CDH26: variants seen among roughly 807,000 people sequenced by gnomAD.
The protein encoded by CDH26 is cadherin-like protein 26.
CDH26 carries 83 observed loss-of-function variants against 90.3 expected under a neutral mutation model. The observed-to-expected ratio is 0.92, with a 90% CI of 0.77 to 1.10. The LOEUF is 1.10. Among genes scored for constraint, CDH26 ranks in the 50% least tolerant of loss-of-function variants. CDH26 has a pLI of 0.00. For synonymous variants in CDH26, 397 were observed against 396.3 expected (o/e 1.00, Z -0.02); for missense variants, 1,013 against 1,037.6 (o/e 0.98, Z 0.33).
At position 60,029,093 on chromosome 20, in the gene CDH26, A is replaced by G. The variant is rs561942206; in HGVS notation, c.948-2138A>G. 1.8e-3 allele frequency among the ~76,000 whole-genome samples: 272 copies of G among 152,328 alleles called. 1 individual carries two copies. The highest frequency in any genetic ancestry group is 6.4e-3 in the African/African-American group (265 of 41,576). On this transcript the variant is annotated intron_variant, in intron 7 of 8. Coordinates refer to the CDH26 transcript ENST00000370991. ...ATAAGGGGGACACAGAGGGATGAGGATTGGAAGGTTTCACCGATGTGAGTG... is the reference window on the plus strand; with the variant it reads ...ATAAGGGGGACACAGAGGGATGAGGGTTGGAAGGTTTCACCGATGTGAGTG...
At chr20:60,002,689 C>A (rs1368894757) in intron 15 of CDH26, 124 bp from the exon 16 acceptor site, 7 of 565,364 alleles carry the variant, frequency 1.2e-5, no homozygotes, top group Non-Finnish European at 1.8e-5. Flanking sequence ...TATCTACACT[C>A]TTTAGAATTA....
chr20:60,024,939 G>A (rs1320020458), intron 7 of CDH26, among the ~76,000 whole-genome samples: 2 of 152,198 alleles, frequency 1.3e-5, no homozygotes, highest in East Asian at 3.9e-4. Flanking sequence ...GAAGGGTCCT[G>A]CAGAGAGCAG....
intron 17 of CDH26, among the ~76,000 whole-genome samples, 189 bp downstream of exon 17, chr20:60,006,976 A>G (rs1173174781): frequency 6.6e-6 from 1 of 152,224 alleles, no homozygotes. Context: ...TCTGCAGGCT[A>G]GAAGTCCAAG....
chr20:59,962,221 G>A (rs182618327), intron 1 of CDH26, among the ~76,000 whole-genome samples: 3 of 152,214 alleles, frequency 2.0e-5, no homozygotes, highest in Non-Finnish European at 4.4e-5. Flanking sequence ...TCTGTGCAGA[G>A]AATGTGTTAG....
intron 8 of CDH26, 68 bp from the exon 9 acceptor site, chr20:59,988,836 T>C: frequency 1.3e-6 from 2 of 1,563,902 alleles, no homozygotes; most frequent in Non-Finnish European, 1.7e-6. Flanking sequence ...CAATGATGAC[T>C]CGGCGCTGGG....
intron 8 of CDH26, among the ~76,000 whole-genome samples, chr20:60,032,873 A>G (rs1008241738): frequency 1.3e-5 from 2 of 148,556 alleles, no homozygotes; most frequent in African/African-American, 5.0e-5. Context: ...GGGGAGGGAT[A>G]GCATTGGGAG....
intron 17 of CDH26, 141 bp from the exon 18 acceptor site, chr20:60,012,386 C>G: frequency 2.8e-6 from 2 of 705,172 alleles, no homozygotes; most frequent in Non-Finnish European, 4.6e-6. Context: ...TGGAACTGTA[C>G]GAACTCCTGT....
exon 9 of CDH26, chr20:60,033,600 A>G: frequency 7.7e-7 from 1 of 1,304,824 alleles, no homozygotes. Flanking sequence ...TCACCCCTTA[A>G]CAAAAAGGCA....
At chr20:59,996,939 C>A (rs1360801017) in intron 13 of CDH26, among the ~76,000 whole-genome samples, 178 bp downstream of exon 13, 8 of 152,162 alleles carry the variant, frequency 5.3e-5, no homozygotes, top group Admixed American at 5.2e-4. Context: ...TGAATTTATT[C>A]TTTTAGATCA....
downstream of CDH26, among the ~76,000 whole-genome samples, chr20:60,018,273 T>C (rs1329172627): frequency 6.6e-6 from 1 of 152,110 alleles, no homozygotes; most frequent in African/African-American, 2.4e-5. Flanking sequence ...GCTTTATAGA[T>C]CTAGTGGTTC....
chr20:60,002,415 T>A lies in CDH26; in HGVS notation c.2167-398T>A, dbSNP rs569416390. Among the ~76,000 whole-genome samples, 6 of 152,034 alleles carry A rather than the reference T, an allele frequency of 3.9e-5. No homozygotes were observed. In the East Asian group the frequency reaches 1.2e-3, roughly 30 times the overall value. On this transcript the variant is annotated intron_variant, in intron 15 of 17. Transcript: ENST00000348616. ...TAAAGAACCTCTGCTTGGTTTAATATTCTACTGTCACCATCTTGAAATTCT... is the reference window on the plus strand; with the variant it reads ...TAAAGAACCTCTGCTTGGTTTAATAATCTACTGTCACCATCTTGAAATTCT...
At chr20:59,972,192 C>A in intron 4 of CDH26, 69 bp downstream of exon 4, 1 of 1,468,654 alleles carries the variant, frequency 6.8e-7, no homozygotes, top group African/African-American at 1.4e-5. Context: ...ATTTGGTAAG[C>A]ATTATTTAAG....
rs146293150 is a variant in CDH26 at position 60,006,713 on chromosome 20, G to C, written c.2221G>C (p.Ala741Pro). ...TGAAGCTCTACTGGTTTGCTTGCAGGCTTACCCAGATGCCACAATGCACAG... is the reference window on the plus strand; with the variant it reads ...TGAAGCTCTACTGGTTTGCTTGCAGCCTTACCCAGATGCCACAATGCACAG... ...RSVKNIHSTP[A>P]YPDATMHRQL... The change falls in exon 17 of 18, where the codon GCT becomes CCT. Residue 741 changes from alanine to proline, a missense_variant and splice_region_variant. Ala to Pro is a conservative substitution (Grantham distance 27, BLOSUM62 -1). Transcript: ENST00000348616. 3.1e-5 allele frequency: 50 copies of C among 1,613,500 alleles called. No individual in the cohort carries two copies. The highest frequency in any genetic ancestry group is 4.0e-5 in the Non-Finnish European group (47 of 1,179,552).
chr20:59,995,571 A>G (rs534153955), intron 11 of CDH26, among the ~76,000 whole-genome samples: 1 of 152,294 alleles, frequency 6.6e-6, no homozygotes, highest in African/African-American at 2.4e-5. Context: ...CCCTGTAAAA[A>G]ACGGCACCAT....
intron 16 of CDH26, among the ~76,000 whole-genome samples, chr20:60,003,196 A>G (rs2061699045): frequency 6.6e-6 from 1 of 152,210 alleles, no homozygotes; most frequent in South Asian, 2.1e-4. Flanking sequence ...GGGGTCTTAG[A>G]CATCATCTAG....
At chr20:59,975,476 GA>G (rs2061316851) in intron 4 of CDH26, among the ~76,000 whole-genome samples, 1 of 152,150 alleles carries the variant, frequency 6.6e-6, no homozygotes, top group African/African-American at 2.4e-5. Flanking sequence ...AGCTGTGAGA[GA>G]ATAAGTTCCT....
intron 1 of CDH26, among the ~76,000 whole-genome samples, chr20:59,966,748 C>A (rs1368353050): frequency 2.0e-5 from 3 of 152,172 alleles, no homozygotes; most frequent in African/African-American, 4.8e-5. Context: ...CTGTGGAAAC[C>A]ATACTTTGAA....
Position 59,992,205 on chromosome 20 carries a change from C to CA in CDH26, c.1284-173_1284-172insA. ...TCTTTAGGCTGTCCTCCCTGTGCTT[C>CA]CATTCCTTTCGTGAATTAAACACTC... On this transcript the variant is annotated intron_variant, in intron 9 of 17. Coordinates refer to ENST00000348616, the MANE Select transcript of CDH26 (RefSeq NM_177980.4). The surrounding 1 kb of genome is among the most constrained non-coding windows in gnomAD (Gnocchi z 5.0). Among the ~76,000 whole-genome samples, 1 of 152,198 alleles carries CA rather than the reference C, an allele frequency of 6.6e-6. No individual in the cohort carries two copies. The highest frequency in any genetic ancestry group is 1.9e-4 in the East Asian group (1 of 5,184).
In CDH26 at chr20:60,013,972, G is replaced by A. The variant is rs529176939; in HGVS notation, c.*1242G>A. The A allele has an allele frequency of 2.0e-5, 3 of 151,926 alleles. No homozygotes were observed. In the East Asian group the frequency reaches 5.8e-4, roughly 29 times the overall value. 9.4% of individuals were successfully genotyped at this position (151,926 alleles called of 1,614,324 possible). ...TGTACTGATCCTAGCATGACTCAGAGGACAGTCTAGGGCATTTTCTGGGTA... is the reference window on the plus strand; with the variant it reads ...TGTACTGATCCTAGCATGACTCAGAAGACAGTCTAGGGCATTTTCTGGGTA... On this transcript the variant is annotated 3_prime_UTR_variant, in exon 18 of 18. Transcript: ENST00000348616.
Sources: gnomAD v4.1 joint callset for allele counts (sites outside exome capture counted in the v4.1 genomes callset) on GRCh38, gnomAD v4.1.1 for gene constraint, Gnocchi (gnomAD v3.1) non-coding constraint, MANE v1.5 for transcripts, NCBI Gene and HGNC (gene_info 2026-07-23, HGNC 2026-07-21) for gene names.